Variants in COL5A3 observed in about 807,000 individuals in gnomAD.
The protein encoded by COL5A3 is collagen type V alpha 3 chain, also known as collagen alpha-3(V) chain.
Under a neutral mutation model 250.0 loss-of-function variants are expected in COL5A3, and 172 were observed. The observed-to-expected ratio is 0.69, with a 90% CI of 0.61 to 0.78. The LOEUF is 0.78. Ranked by LOEUF, COL5A3 falls within the 30% of genes least tolerant of loss-of-function variation. COL5A3 has a pLI of 0.00. For synonymous variants in COL5A3, 937 were observed against 900.4 expected (o/e 1.04, Z -0.73); for missense variants, 2,340 against 2,334.4 (o/e 1.00, Z -0.05).
At chr19:9,975,622 T>C (rs960055001) in intron 45 of COL5A3, among the ~76,000 whole-genome samples, 10 of 151,978 alleles carry the variant, frequency 6.6e-5, no homozygotes, top group African/African-American at 1.4e-4. Context: ...GGAGTTGAGA[T>C]TGAGCCAAAT....
chr19:9,990,120 G>A (rs529492558), intron 24 of COL5A3, among the ~76,000 whole-genome samples: 87 of 151,834 alleles, frequency 5.7e-4, no homozygotes, highest in African/African-American at 1.8e-3. Context: ...GAGGCCGGGC[G>A]TGGTGGCTCA....
At chr19:10,000,452 CTTTTTTTTTTTTTTTT>C (rs576119335) in intron 8 of COL5A3, among the ~76,000 whole-genome samples, 1 of 62,762 alleles carries the variant, frequency 1.6e-5, no homozygotes, top group Non-Finnish European at 2.9e-5. Flanking sequence ...CCAGAGAGCT[CTTTTTTTTTTTTTTTT>C]TTTTTTTTTT....
Position 9,968,368 on chromosome 19 carries a change from C to T in COL5A3, c.4314+17G>A, listed in dbSNP as rs45476799. The T allele has an allele frequency of 0.02, 31,036 of 1,560,512 alleles. 922 individuals carry two copies. The highest frequency in any genetic ancestry group is 0.13 in the African/African-American group (9,767 of 72,988). On this transcript the variant is annotated intron_variant, in intron 59 of 66. Coordinates refer to ENST00000264828, the MANE Select transcript of COL5A3 (RefSeq NM_015719.4). This position sits in a 1 kb window ranked among gnomAD's most constrained non-coding sequence, Gnocchi z 4.1. ...CTCCTTCAAATGCATTCTTCCCGCT[C>T]AGGTCAGGACACTCACAGGGTCTCC...
chr19:9,989,008 T>C, intron 27 of COL5A3, 116 bp downstream of exon 27: 2 of 1,062,272 alleles, frequency 1.9e-6, no homozygotes, highest in Non-Finnish European at 2.9e-6. Flanking sequence ...TCCCACTACA[T>C]TTGGCCTGGC....
At position 9,978,978 on chromosome 19, in the gene COL5A3, C is replaced by T. The variant is rs375469799; in HGVS notation, c.2877G>A (p.Gly959=). 15 of 1,539,540 alleles carry T rather than the reference C, an allele frequency of 9.7e-6. 2 individuals carry two copies. The highest frequency in any genetic ancestry group is 2.4e-5 in the East Asian group (1 of 42,550). Residue 959 remains glycine (G), a splice_region_variant and synonymous_variant, in exon 40 of 67, where the codon GGG becomes GGA. Transcript: ENST00000264828. ...CAAGGGGTCCTGGTGGTCCCAGTTC[C>T]CCCTACAGGAGTGCAAAGGAGGGAA... The part of the protein sequence containing the change: ...PGLEGREGAK[G]ELGPPGPLGK...
chr19:9,965,402 C>T (rs2086728481), intron 64 of COL5A3, among the ~76,000 whole-genome samples: 1 of 151,198 alleles, frequency 6.6e-6, no homozygotes, highest in Admixed American at 6.6e-5. Flanking sequence ...GTGATCCACC[C>T]GCCTCGGCCT....
rs371931490 is a variant in COL5A3 at position 9,993,721 on chromosome 19, C to T, written c.1641+32G>A. On this transcript the variant is annotated intron_variant, in intron 17 of 66. Coordinates refer to ENST00000264828, the MANE Select transcript of COL5A3 (RefSeq NM_015719.4). ...TTGACCCCATAAGCCTGACAGCTCC[C>T]ACCAAGTCTTATCTCAGCCCCCATC... is the stretch of plus-strand genomic sequence containing the variant. The T allele has an allele frequency of 2.1e-5, 34 of 1,613,958 alleles. No homozygotes were observed. In the African/African-American group the frequency reaches 4.4e-4, roughly 21 times the overall value.
At chr19:10,005,750 C>T (rs750762294) in intron 3 of COL5A3, 36 bp from the exon 4 acceptor site, 1 of 1,598,988 alleles carries the variant, frequency 6.3e-7, no homozygotes, top group East Asian at 2.2e-5. Flanking sequence ...GTGCTTCTCA[C>T]CCCACCCCTT....
Position 9,960,309 on chromosome 19 carries a change from T to G in COL5A3, c.*102A>C. ...ATGAGCGAAGTCACATCCCATTGGC[T>G]CCATAGTCACAGGTAACGAAAAATA... On this transcript the variant is annotated 3_prime_UTR_variant, in exon 67 of 67. Transcript: ENST00000264828. The G allele has an allele frequency of 7.1e-7, 1 of 1,401,396 alleles. No homozygotes were observed. The allele number at this position is 1,401,396 out of a possible 1,614,324, so 86.8% of individuals were successfully genotyped here. A position where few individuals can be genotyped will look rare whatever the true frequency, so the allele number is the denominator to read the frequency against.
chr19:9,966,118 C>T (rs745380618), intron 64 of COL5A3, among the ~76,000 whole-genome samples, 196 bp downstream of exon 64: 3 of 152,246 alleles, frequency 2.0e-5, no homozygotes, highest in Non-Finnish European at 2.9e-5. Context: ...AGGCATGTGC[C>T]ACCAGGCTGG....
chr19:9,962,749 AC>A (rs1278267129), intron 65 of COL5A3, 69 bp downstream of exon 65: 20 of 1,229,796 alleles, frequency 1.6e-5, no homozygotes, highest in Admixed American at 1.6e-4. Context: ...CTCAGAACCC[AC>A]CCCTCAAACC....
chr19:9,982,252 C>T, intron 31 of COL5A3, 134 bp from the exon 32 acceptor site: 1 of 606,986 alleles, frequency 1.6e-6, no homozygotes, highest in African/African-American at 1.9e-5. Context: ...ACAGCCCCAG[C>T]CTCCTACAAG....
chr19:9,968,893 G>C lies in COL5A3; in HGVS notation c.4153-165C>G, dbSNP rs1215663308. 1.5e-6 allele frequency: 1 copy of C among 681,318 alleles called. No homozygotes were observed. Among genetic ancestry groups the C allele is most frequent in the Non-Finnish European group, 2.6e-6 (1 of 391,462 alleles). 42.2% of individuals were successfully genotyped at this position (681,318 alleles called of 1,614,324 possible). A position where few individuals can be genotyped will look rare whatever the true frequency, so the allele number is the denominator to read the frequency against. On this transcript the variant is annotated intron_variant, in intron 57 of 66. Transcript: ENST00000264828. The surrounding 1 kb of genome is among the most constrained non-coding windows in gnomAD (Gnocchi z 4.1). ...GTAGGCCACCAAGGTGGGATGATGA[G>C]AGCTAATGAGGGGTTGACTGGAGGA...
intron 40 of COL5A3, 118 bp downstream of exon 40, chr19:9,978,773 C>A: frequency 1.1e-6 from 1 of 935,830 alleles, no homozygotes; most frequent in East Asian, 3.0e-5. Context: ...GTTCCCTCCA[C>A]CATTTTTTTT....
intron 62 of COL5A3, 87 bp downstream of exon 62, chr19:9,967,260 G>T (rs1354392265): frequency 2.0e-6 from 2 of 1,007,544 alleles, no homozygotes; most frequent in Admixed American, 7.7e-5. Context: ...TGCTGCGCAC[G>T]GAAGGACCCT....
chr19:9,963,998 G>T (rs547600457), intron 64 of COL5A3, among the ~76,000 whole-genome samples: 1 of 151,604 alleles, frequency 6.6e-6, no homozygotes. Context: ...GTGAAACCCC[G>T]TCTCTGCTAA....
At position 9,978,616 on chromosome 19, in the gene COL5A3, G is replaced by A. The variant is rs776375948; in HGVS notation, c.2976C>T (p.Gly992=). ...CTGGGGGGCCCTTATCACCCTTTAA[G>A]CCAGTAGGTCCCTGAAGGAGGAGAT... ...KGGPGDPGPT[G]LKGDKGPPGP... is the part of the protein sequence containing the mutation. Residue 992 remains glycine, a synonymous_variant, in exon 41 of 67, where the codon GGC becomes GGT. Coordinates refer to ENST00000264828, the MANE Select transcript of COL5A3 (RefSeq NM_015719.4). The A allele has an allele frequency of 2.5e-6, 4 of 1,570,966 alleles. No individual in the cohort carries two copies. The Admixed American group carries it at 7.8e-5, about 31-fold the overall frequency.
chr19:9,967,348 G>A lies in COL5A3; in HGVS notation c.4457C>T (p.Pro1486Leu), dbSNP rs756302037. ...TCCCCCGCCCCCCGGGGAACTCACC[G>A]GGGGGCCTGGTGGGCCTGCAGGTCC... The part of the protein sequence containing the change: ...DTGPAGPPGP[P>L]GAPAELHGLR... Residue 1486 changes from proline to leucine, a missense_variant and splice_region_variant, in exon 62 of 67, where the codon CCG becomes CTG. Physicochemically the swap from Pro to Leu is moderately conservative, Grantham distance 98. This residue lies in a region of COL5A3 where 1,179 missense variants were observed against 1,162.6 expected (regional missense o/e 1.01). Transcript: ENST00000264828. The A allele has an allele frequency of 1.3e-5, 18 of 1,437,128 alleles. No homozygotes were observed. The highest frequency in any genetic ancestry group is 3.7e-4 in the Middle Eastern group (2 of 5,458). The allele number at this position is 1,437,128 out of a possible 1,614,324, so 89.0% of individuals were successfully genotyped here.
intron 4 of COL5A3, among the ~76,000 whole-genome samples, chr19:10,005,343 C>G (rs899734174): frequency 6.7e-6 from 1 of 149,874 alleles, no homozygotes; most frequent in African/African-American, 2.5e-5. Flanking sequence ...GAGCAAGGCT[C>G]CATCTCAAAA....
Sources: gnomAD v4.1 joint callset for allele counts (sites outside exome capture counted in the v4.1 genomes callset) on GRCh38, gnomAD v4.1.1 for gene constraint, gnomAD v4.1.1 regional missense constraint, Gnocchi (gnomAD v3.1) non-coding constraint, MANE v1.5 for transcripts, NCBI Gene and HGNC (gene_info 2026-07-23, HGNC 2026-07-21) for gene names.